Variants in NAP1L1 observed in about 807,000 individuals in gnomAD.
The protein encoded by NAP1L1 is nucleosome assembly protein 1-like 1.
Under a neutral mutation model 58.9 loss-of-function variants are expected in NAP1L1, and 9 were observed. The observed-to-expected ratio is 0.15, with a 90% CI of 0.09 to 0.27. The LOEUF is 0.27. NAP1L1 is among the 10% of genes least tolerant of loss of function. NAP1L1 has a pLI of 1.00. For synonymous variants in NAP1L1, 130 were observed against 138.3 expected (o/e 0.94, Z 0.42); for missense variants, 302 against 458.8 (o/e 0.66, Z 3.12).
intron 9 of NAP1L1, 49 bp from the exon 10 acceptor site, chr12:76,053,399 T>C (rs750170748): frequency 6.4e-7 from 1 of 1,573,214 alleles, no homozygotes; most frequent in South Asian, 1.2e-5. Context: ...ATCTTTCAAC[T>C]GCTAAACTTT....
intron 1 of NAP1L1, among the ~76,000 whole-genome samples, 154 bp downstream of exon 1, chr12:76,084,413 C>T (rs1294580322): frequency 6.6e-6 from 1 of 152,158 alleles, no homozygotes; most frequent in African/African-American, 2.4e-5. Flanking sequence ...CTCCGCGGTC[C>T]TGTCCGACCT....
rs1949744285 is a variant in NAP1L1 at position 76,067,649 on chromosome 12, T to C, written c.104-176A>G. 6.1e-6 allele frequency: 3 copies of C among 495,144 alleles called. No individual in the cohort carries two copies. In the Admixed American group the frequency reaches 9.2e-5, roughly 15 times the overall value. 30.7% of individuals were successfully genotyped at this position (495,144 alleles called of 1,614,324 possible). ...GAATACACTAAAGGAAAACCCAATG[T>C]TCAGGAATAATTCAGATTCCTAATC... On this transcript the variant is annotated intron_variant, in intron 3 of 14. Transcript: ENST00000618691.
rs1948563183 is a variant in NAP1L1 at position 76,042,913 on chromosome 12, T to C, written c.*5516A>G. On this transcript the variant is annotated 3_prime_UTR_variant, in exon 15 of 15. Coordinates refer to ENST00000618691, the MANE Select transcript of NAP1L1 (RefSeq NM_004537.7). ...CAGAGTAAAGAATATACCGGAATTC[T>C]TTCAACTATTTTCAGAGTTGAAGGA... The C allele has an allele frequency of 1.3e-5, 2 of 152,218 alleles. No homozygotes were observed. Among genetic ancestry groups the C allele is most frequent in the African/African-American group, 2.4e-5 (1 of 41,452 alleles). The allele number at this position is 152,218 out of a possible 1,614,324, so 9.4% of individuals were successfully genotyped here. A position where few individuals can be genotyped will look rare whatever the true frequency, so the allele number is the denominator to read the frequency against.
rs1948605848 is a variant in NAP1L1, at chr12:76,046,275, AC to A, written c.*2153del. The stretch of plus-strand genomic sequence containing the variant: ...TTTTGGAACTGGAAAAATGGCATAA[AC>A]ACTGACGTCCCTTAAAACTTCAATT... On this transcript the variant is annotated 3_prime_UTR_variant, in exon 15 of 15. Coordinates refer to ENST00000618691, the MANE Select transcript of NAP1L1 (RefSeq NM_004537.7). 6.6e-6 allele frequency: 1 copy of A among 152,398 alleles called. No homozygotes were observed. Among genetic ancestry groups the A allele is most frequent in the Non-Finnish European group, 1.5e-5 (1 of 67,898 alleles). 9.4% of individuals were successfully genotyped at this position (152,398 alleles called of 1,614,324 possible). A position where few individuals can be genotyped will look rare whatever the true frequency, so the allele number is the denominator to read the frequency against.
Position 76,049,216 on chromosome 12 carries a change from G to C in NAP1L1, c.1124C>G (p.Pro375Arg). 1 of 1,613,436 alleles carries C rather than the reference G, an allele frequency of 6.2e-7. No homozygotes were observed. Among genetic ancestry groups the C allele is most frequent in the Non-Finnish European group, 8.5e-7 (1 of 1,179,662 alleles). Residue 375 changes from proline (P) to arginine (R), a missense_variant, in exon 14 of 15, where the codon CCA becomes CGA. By Grantham distance (103) the Pro-to-Arg change is moderately radical. Transcript: ENST00000618691. ...TTTGCTCACCTTTGGGTCATAGTCT[G>C]GATCATTTTCCTCATCTCCTTCTTC... ...GEEEGDEENDPDYDPKKDQNP... is the reference protein window; with the variant it reads ...GEEEGDEENDRDYDPKKDQNP...
At position 76,050,691 on chromosome 12, in the gene NAP1L1, A is replaced by G. The variant is rs762738768; in HGVS notation, c.937-38T>C. 4 of 1,586,912 alleles carry G rather than the reference A, an allele frequency of 2.5e-6. No homozygotes were observed. In the South Asian group the frequency reaches 3.5e-5, roughly 14 times the overall value. On this transcript the variant is annotated intron_variant, in intron 11 of 14. Coordinates refer to ENST00000618691, the MANE Select transcript of NAP1L1 (RefSeq NM_004537.7). The stretch of plus-strand genomic sequence containing the variant: ...GAAAACAAAAGCAGAAAATTTAGGA[A>G]TAACTGTGTTACTTAATTTGGCACA...
At chr12:76,079,746 T>G (rs1950329002) in intron 1 of NAP1L1, among the ~76,000 whole-genome samples, 1 of 151,294 alleles carries the variant, frequency 6.6e-6, no homozygotes, top group South Asian at 2.1e-4. Context: ...TGCAGTGGCG[T>G]GATCACAGCT....
intron 1 of NAP1L1, 64 bp downstream of exon 1, chr12:76,084,503 C>G (rs1057364809): frequency 6.6e-6 from 1 of 152,528 alleles, no homozygotes; most frequent in Non-Finnish European, 1.5e-5. Context: ...CCGGCCCTCC[C>G]ATCTGCGCAG....
intron 11 of NAP1L1, among the ~76,000 whole-genome samples, chr12:76,051,764 C>T (rs531081193): frequency 3.3e-5 from 5 of 152,146 alleles, no homozygotes; most frequent in Non-Finnish European, 7.4e-5. Context: ...CCTGTAATCC[C>T]AGGACTTTGG....
At chr12:76,053,166 T>TA in intron 10 of NAP1L1, 39 bp downstream of exon 10, 1 of 1,612,350 alleles carries the variant, frequency 6.2e-7, no homozygotes, top group Non-Finnish European at 8.5e-7. Context: ...ATGCTTTTTA[T>TA]AAAACAACCG....
At chr12:76,057,373 G>T in intron 6 of NAP1L1, 1 of 416,342 alleles carries the variant, frequency 2.4e-6, no homozygotes, top group South Asian at 2.2e-5. Context: ...CAGTTCATCT[G>T]CATTATCATT....
At chr12:76,069,101 T>TATATATATA in intron 2 of NAP1L1, 107 bp from the exon 3 acceptor site, 1 of 774,104 alleles carries the variant, frequency 1.3e-6, no homozygotes, top group Non-Finnish European at 2.1e-6. Flanking sequence ...TTCAAAGACA[T>TATATATATA]GAAATAGGAA....
chr12:76,052,262 C>CA (rs1405000847), intron 11 of NAP1L1, among the ~76,000 whole-genome samples: 10 of 151,558 alleles, frequency 6.6e-5, no homozygotes, highest in African/African-American at 2.2e-4. Flanking sequence ...AACAAACAAA[C>CA]AAACAAAAAA....
chr12:76,073,249 C>T (rs1293429047), intron 2 of NAP1L1, among the ~76,000 whole-genome samples: 1 of 151,796 alleles, frequency 6.6e-6, no homozygotes, highest in African/African-American at 2.4e-5. Flanking sequence ...GTTTCCAGCC[C>T]TCCCACTATC....
chr12:76,074,063 T>C, intron 2 of NAP1L1, 140 bp downstream of exon 2: 1 of 705,166 alleles, frequency 1.4e-6, no homozygotes, highest in Non-Finnish European at 2.5e-6. Context: ...TTGAATACAC[T>C]GCACTAGACT....
intron 4 of NAP1L1, among the ~76,000 whole-genome samples, chr12:76,065,981 C>T (rs951614383): frequency 4.1e-5 from 6 of 146,302 alleles, no homozygotes; most frequent in African/African-American, 1.5e-4. Context: ...CGGGTGTTTA[C>T]AACTTGATAT....
At chr12:76,060,893 G>C (rs924923416) in intron 4 of NAP1L1, 8 of 244,446 alleles carry the variant, frequency 3.3e-5, no homozygotes, top group South Asian at 1.9e-4. Flanking sequence ...AAAAACTCAA[G>C]ACCAGCCTGG....
At position 76,041,555 on chromosome 12, in the gene NAP1L1, T is replaced by C. The variant is rs1948550731; in HGVS notation, c.*6874A>G. ...GGCTAAGTCCACTCACCAAGCCAAA[T>C]GAATAGCAAAGACAACAGTTCCAGC... On this transcript the variant is annotated 3_prime_UTR_variant, in exon 15 of 15. Coordinates refer to ENST00000618691, the MANE Select transcript of NAP1L1 (RefSeq NM_004537.7). 6.6e-6 allele frequency: 1 copy of C among 152,120 alleles called. No individual in the cohort carries two copies. Among genetic ancestry groups the C allele is most frequent in the Non-Finnish European group, 1.5e-5 (1 of 68,024 alleles). 9.4% of individuals were successfully genotyped at this position (152,120 alleles called of 1,614,324 possible).
intron 1 of NAP1L1, among the ~76,000 whole-genome samples, chr12:76,084,247 G>T (rs1196662389): frequency 6.6e-6 from 1 of 152,090 alleles, no homozygotes; most frequent in Non-Finnish European, 1.5e-5. Flanking sequence ...AGGGCACCCG[G>T]GCGTCACCGC....
Sources: gnomAD v4.1 joint callset for allele counts (sites outside exome capture counted in the v4.1 genomes callset) on GRCh38, gnomAD v4.1.1 for gene constraint, MANE v1.5 for transcripts, NCBI Gene and HGNC (gene_info 2026-07-23, HGNC 2026-07-21) for gene names.